The following NPHP4 variants were observed in gnomAD, a reference collection of about 807,000 sequenced individuals.
The protein encoded by NPHP4 is nephrocystin-4.
In NPHP4, 151 loss-of-function variants were observed where a neutral mutation model predicts 155.8. That is an observed-to-expected ratio of 0.97 (90% CI 0.85 to 1.11). The LOEUF (loss-of-function observed/expected upper bound fraction) is 1.11. Ranked by LOEUF, NPHP4 falls within the 50% of genes least tolerant of loss-of-function variation. The probability of loss-of-function intolerance (pLI) is 0.00; values close to 1 mark genes in which losing one functional copy is unlikely to be tolerated. For synonymous variants in NPHP4, 845 were observed against 816.8 expected (o/e 1.03, Z -0.59); for missense variants, 1,956 against 1,925.7 (o/e 1.02, Z -0.29).
intron 5 of NPHP4, among the ~76,000 whole-genome samples, chr1:5,965,768 C>G (rs7521519): frequency 0.015 from 2,259 of 152,202 alleles, 56 homozygotes; most frequent in African/African-American, 0.052. Flanking sequence ...TGCTGCCCAG[C>G]GATCACCCAC....
intron 10 of NPHP4, among the ~76,000 whole-genome samples, chr1:5,928,766 T>C (rs1249523163): frequency 6.6e-6 from 1 of 152,208 alleles, no homozygotes; most frequent in African/African-American, 2.4e-5. Flanking sequence ...CTAATTCCTT[T>C]AGCTTTCCAT....
At position 5,881,744 on chromosome 1, in the gene NPHP4, C is replaced by A. The variant is rs896221949; in HGVS notation, c.2486-1505G>T. 3 of 152,246 alleles carry A rather than the reference C, an allele frequency of 2.0e-5. No individual in the cohort carries two copies. The South Asian group carries it at 6.2e-4, about 31-fold the overall frequency. 9.4% of individuals were successfully genotyped at this position (152,246 alleles called of 1,614,324 possible). A position where few individuals can be genotyped will look rare whatever the true frequency, so the allele number is the denominator to read the frequency against. ...TCAAAGAACTCACATTCTCCTAATT[C>A]TTAAGTTCCTTTGGTCATCTTGAGT... On this transcript the variant is annotated intron_variant, in intron 18 of 29. Transcript: ENST00000378156.
intron 11 of NPHP4, among the ~76,000 whole-genome samples, chr1:5,911,352 G>A (rs12119123): frequency 0.018 from 2,773 of 152,272 alleles, 33 homozygotes; most frequent in South Asian, 0.026. Context: ...ATGGGAACTC[G>A]GAAAACTCCG....
At chr1:5,872,302 C>T (rs962712168) in intron 23 of NPHP4, among the ~76,000 whole-genome samples, 4 of 152,226 alleles carry the variant, frequency 2.6e-5, no homozygotes, top group South Asian at 2.1e-4. Context: ...GGGCTCACAA[C>T]GGTAAGGCCC....
At chr1:5,907,646 G>A (rs573616013) in intron 12 of NPHP4, among the ~76,000 whole-genome samples, 14 of 152,288 alleles carry the variant, frequency 9.2e-5, no homozygotes, top group African/African-American at 2.6e-4. Flanking sequence ...CCATCTTGAT[G>A]GCCAGCGCGG....
At chr1:5,942,512 C>G (rs1646871119) in intron 9 of NPHP4, among the ~76,000 whole-genome samples, 1 of 107,610 alleles carries the variant, frequency 9.3e-6, no homozygotes, top group Non-Finnish European at 1.7e-5. Context: ...GCCTGGGCAA[C>G]AGAGCGAGAC....
chr1:5,908,932 G>GC (rs1281563040), intron 12 of NPHP4, among the ~76,000 whole-genome samples: 1 of 152,168 alleles, frequency 6.6e-6, no homozygotes, highest in African/African-American at 2.4e-5. Flanking sequence ...CATAGGGGTT[G>GC]CAAGCAGCAG....
At chr1:5,884,260 C>T (rs1206026222) in intron 18 of NPHP4, among the ~76,000 whole-genome samples, 2 of 152,194 alleles carry the variant, frequency 1.3e-5, no homozygotes, top group Non-Finnish European at 2.9e-5. Context: ...AAGCCCGCCA[C>T]CGCCAACCGT....
At position 5,892,909 on chromosome 1, in the gene NPHP4, C is replaced by A. The variant is rs775781422; in HGVS notation, c.2144-1881G>T. Among the ~76,000 whole-genome samples, 1 of 152,186 alleles carries A rather than the reference C, an allele frequency of 6.6e-6. No individual in the cohort carries two copies. Among genetic ancestry groups the A allele is most frequent in the African/African-American group, 2.4e-5 (1 of 41,440 alleles). Reference sequence around the variant, plus strand: ...TCACAAACACCACGCCCCAGCCCGGCTGGAATCCTCACTGCTTCTGGGGTT... The same window carrying A: ...TCACAAACACCACGCCCCAGCCCGGATGGAATCCTCACTGCTTCTGGGGTT... On this transcript the variant is annotated intron_variant, in intron 16 of 29. Coordinates refer to ENST00000378156, the MANE Select transcript of NPHP4 (RefSeq NM_015102.5). The surrounding 1 kb of genome is among the most constrained non-coding windows in gnomAD (Gnocchi z 4.5).
intron 19 of NPHP4, 111 bp from the exon 20 acceptor site, chr1:5,877,409 T>TG: frequency 1.4e-6 from 1 of 739,078 alleles, no homozygotes; most frequent in South Asian, 2.6e-5. Context: ...AGCTCAAGAG[T>TG]GCGGCTCATG....
intron 15 of NPHP4, among the ~76,000 whole-genome samples, 168 bp from the exon 16 acceptor site, chr1:5,904,972 G>A (rs985016420): frequency 2.0e-5 from 3 of 152,194 alleles, no homozygotes; most frequent in South Asian, 2.1e-4. Flanking sequence ...TCAGCAAGCC[G>A]GCCAGACAGC....
In NPHP4 at chr1:5,887,450, C is replaced by G. The variant is rs1223978228; in HGVS notation, c.2321G>C (p.Gly774Ala). The G allele has an allele frequency of 6.2e-7, 1 of 1,613,098 alleles. No individual in the cohort carries two copies. Among genetic ancestry groups the G allele is most frequent in the African/African-American group, 1.3e-5 (1 of 74,936 alleles). Reference protein sequence around the residue: ...AVQMKHLLRQGRPAVQASHEL... With the variant: ...AVQMKHLLRQARPAVQASHEL... ...GTGGGAGGCCTGCACAGCCGGCCGGCCTTGGCGGAGGAGATGCTGCAGAAG... is the reference window on the plus strand; with the variant it reads ...GTGGGAGGCCTGCACAGCCGGCCGGGCTTGGCGGAGGAGATGCTGCAGAAG... Residue 774 changes from glycine to alanine, a missense_variant, in exon 18 of 30, where the codon GGC becomes GCC. By Grantham distance (60) the Gly-to-Ala change is moderately conservative (BLOSUM62 0). Coordinates refer to ENST00000378156, the MANE Select transcript of NPHP4 (RefSeq NM_015102.5).
Position 5,892,894 on chromosome 1 carries a change from C to T in NPHP4, c.2144-1866G>A, listed in dbSNP as rs1407368113. 1.3e-5 allele frequency among the ~76,000 whole-genome samples: 2 copies of T among 152,162 alleles called. No homozygotes were observed. Among genetic ancestry groups the T allele is most frequent in the Non-Finnish European group, 2.9e-5 (2 of 68,032 alleles). On this transcript the variant is annotated intron_variant, in intron 16 of 29. Transcript: ENST00000378156. The surrounding 1 kb of genome is among the most constrained non-coding windows in gnomAD (Gnocchi z 4.5). ...CCTCCTGCACCCCCTTCACAAACAC[C>T]ACGCCCCAGCCCGGCTGGAATCCTC...
Position 5,882,260 on chromosome 1 carries a change from T to TCTCTCAGTGGCGCGCTTACCCAGCCAA in NPHP4, c.2486-2022_2486-2021insTTGGCTGGGTAAGCGCGCCACTGAGAG, listed in dbSNP as rs1643363656. ...TCTCAGTGGCGCGCTTACCCAGCCATCTCTCAGTGGCGCGCTTACCCAGCC... is the reference window on the plus strand; with the variant it reads ...TCTCAGTGGCGCGCTTACCCAGCCATCTCTCAGTGGCGCGCTTACCCAGCCAACTCTCAGTGGCGCGCTTACCCAGCC... On this transcript the variant is annotated intron_variant, in intron 18 of 29. Transcript: ENST00000378156. This position sits in a 1 kb window ranked among gnomAD's most constrained non-coding sequence, Gnocchi z 5.1. The TCTCTCAGTGGCGCGCTTACCCAGCCAA allele has an allele frequency of 8.5e-6, 1 of 117,136 alleles. No homozygotes were observed. Among genetic ancestry groups the TCTCTCAGTGGCGCGCTTACCCAGCCAA allele is most frequent in the African/African-American group, 3.5e-5 (1 of 28,644 alleles). The allele number at this position is 117,136 out of a possible 1,614,324, so 7.3% of individuals were successfully genotyped here. A position where few individuals can be genotyped will look rare whatever the true frequency, so the allele number is the denominator to read the frequency against.
At chr1:5,880,329 T>C (rs1243104055) in intron 18 of NPHP4, 90 bp from the exon 19 acceptor site, 4 of 1,369,496 alleles carry the variant, frequency 2.9e-6, no homozygotes, top group Non-Finnish European at 4.1e-6. Context: ...GCTGTGGCTT[T>C]CAAATGGCCT....
chr1:5,968,276 G>A (rs114955124), intron 4 of NPHP4, among the ~76,000 whole-genome samples: 1,551 of 151,968 alleles, frequency 0.01, 29 homozygotes, highest in African/African-American at 0.034. Flanking sequence ...CCCTTACTCC[G>A]GCCTAAAGAA....
chr1:5,880,355 C>A (rs778498154), intron 18 of NPHP4, 116 bp from the exon 19 acceptor site: 1 of 986,246 alleles, frequency 1.0e-6, no homozygotes, highest in South Asian at 1.5e-5. Context: ...CACCCTGACA[C>A]GCTAAGGCCC....
At chr1:5,885,825 T>C (rs1643752731) in intron 18 of NPHP4, among the ~76,000 whole-genome samples, 1 of 152,176 alleles carries the variant, frequency 6.6e-6, no homozygotes, top group Non-Finnish European at 1.5e-5. Flanking sequence ...ATAACACCTT[T>C]TTTTCCAAAA....
intron 3 of NPHP4, among the ~76,000 whole-genome samples, chr1:5,972,648 C>T (rs182765887): frequency 1.3e-5 from 2 of 152,140 alleles, no homozygotes; most frequent in African/African-American, 4.8e-5. Context: ...AATACTCCAG[C>T]AGCACTTAGG....
Sources: allele counts gnomAD v4.1 joint callset (sites outside exome capture counted in the v4.1 genomes callset), GRCh38; gene constraint gnomAD v4.1.1; non-coding constraint Gnocchi (gnomAD v3.1); transcripts MANE v1.5; gene names NCBI Gene and HGNC (gene_info 2026-07-23, HGNC 2026-07-21).